NMT1: variants seen among roughly 807,000 people sequenced by gnomAD.
NMT1 encodes the protein N-myristoyltransferase 1.
Under a neutral mutation model 63.4 loss-of-function variants are expected in NMT1, and 12 were observed. The ratio of observed to expected loss-of-function variants is 0.19; its 90% CI spans 0.12 to 0.31. The LOEUF (loss-of-function observed/expected upper bound fraction) is 0.31, where lower values mean the gene tolerates loss of function less well. NMT1 is among the 10% of genes least tolerant of loss of function. The pLI, the probability that NMT1 is intolerant of heterozygous loss-of-function variation, is 1.00. For synonymous variants in NMT1, 228 were observed against 234.3 expected, an observed-to-expected ratio of 0.97 and a Z score of 0.25; for missense variants, 432 against 634.6, an observed-to-expected ratio of 0.68 and a Z score of 3.43.
chr17:45,070,273 G>A (rs558368357), intron 1 of NMT1, among the ~76,000 whole-genome samples: 1 of 151,848 alleles, frequency 6.6e-6, no homozygotes, highest in East Asian at 1.9e-4. Context: ...GTGTGTGTGA[G>A]ATGGAGTCTC....
chr17:45,095,645 C>T (rs886212276), intron 4 of NMT1, among the ~76,000 whole-genome samples: 3 of 151,988 alleles, frequency 2.0e-5, no homozygotes, highest in Non-Finnish European at 4.4e-5. Flanking sequence ...GGTAGTATGC[C>T]CCAGTAGTCT....
chr17:45,076,587 T>C (rs2053979035), intron 1 of NMT1, among the ~76,000 whole-genome samples: 1 of 151,754 alleles, frequency 6.6e-6, no homozygotes, highest in Non-Finnish European at 1.5e-5. Context: ...CTGTCTCTAC[T>C]AAAAATACAA....
chr17:45,068,888 C>T (rs28397098), intron 1 of NMT1, among the ~76,000 whole-genome samples: 34,327 of 152,024 alleles, frequency 0.23, 4,480 homozygotes, highest in African/African-American at 0.34. Context: ...CTCAAGCAGT[C>T]CACCTGCCTT....
rs1404360655 is a variant in NMT1 at position 45,103,906 on chromosome 17, A to T, written c.1332+30A>T. 1 of 1,611,278 alleles carries T rather than the reference A, an allele frequency of 6.2e-7. No individual in the cohort carries two copies. The highest frequency in any genetic ancestry group is 8.5e-7 in the Non-Finnish European group (1 of 1,179,934). ...GGAGCAGACGGGGGGGTCTCTGGAG[A>T]TGTGCAGGGAAGAGGCAGTGGAGCC... On this transcript the variant is annotated intron_variant, in intron 10 of 11. Coordinates refer to ENST00000258960, the MANE Select transcript of NMT1 (RefSeq NM_021079.5). The surrounding 1 kb of genome is among the most constrained non-coding windows in gnomAD (Gnocchi z 4.8).
At chr17:45,095,687 G>C (rs1046300632) in intron 4 of NMT1, among the ~76,000 whole-genome samples, 2 of 152,116 alleles carry the variant, frequency 1.3e-5, no homozygotes, top group Non-Finnish European at 2.9e-5. Flanking sequence ...TAGGAGGATC[G>C]CTTGAAACCA....
intron 1 of NMT1, among the ~76,000 whole-genome samples, chr17:45,080,686 G>A (rs1013631560): frequency 1.2e-4 from 17 of 147,452 alleles, no homozygotes; most frequent in Non-Finnish European, 7.4e-5. Flanking sequence ...AGCCAGGATG[G>A]TCTTGATCTC....
chr17:45,085,016 G>GATGGGCACATCGC, intron 2 of NMT1, among the ~76,000 whole-genome samples: 1 of 152,096 alleles, frequency 6.6e-6, no homozygotes, highest in East Asian at 1.9e-4. Flanking sequence ...GGGAGGCTGA[G>GATGGGCACATCGC]TTGGGCAGAT....
chr17:45,066,957 T>A (rs2053907075), intron 1 of NMT1, among the ~76,000 whole-genome samples: 1 of 152,168 alleles, frequency 6.6e-6, no homozygotes, highest in East Asian at 1.9e-4. Context: ...TGGCCTCAAG[T>A]GATGCTGCCA....
intron 4 of NMT1, among the ~76,000 whole-genome samples, chr17:45,095,099 C>CCACACCGGGCCAACAGAAT: frequency 7.7e-6 from 1 of 130,660 alleles, no homozygotes; most frequent in South Asian, 2.5e-4. Context: ...GCATGAGCCA[C>CCACACCGGGCCAACAGAAT]TGCGCCCAGT....
Position 45,061,448 on chromosome 17 carries a change from G to A in NMT1, c.119G>A (p.Ser40Asn). The part of the protein sequence containing the change: ...CSDCENEEDN[S>N]YNRGGLSPAN... ...GATTGCGAGAATGAGGAGGACAACA[G>A]CTACAACCGGGGGTAACGAAATCCT... The change falls in exon 1 of 12, where the codon AGC becomes AAC. Residue 40 changes from serine to asparagine, a missense_variant. This residue lies in a region of NMT1 where 121 missense variants were observed against 103.7 expected (regional missense o/e 1.17). Coordinates refer to ENST00000258960, the MANE Select transcript of NMT1 (RefSeq NM_021079.5). 1.9e-6 allele frequency: 3 copies of A among 1,613,236 alleles called. No homozygotes were observed. Among genetic ancestry groups the A allele is most frequent in the South Asian group, 1.1e-5 (1 of 90,942 alleles).
At chr17:45,065,656 A>G (rs968069895) in intron 1 of NMT1, among the ~76,000 whole-genome samples, 41 of 151,304 alleles carry the variant, frequency 2.7e-4, no homozygotes, top group Non-Finnish European at 5.2e-4. Context: ...AAATACCTAC[A>G]GAAACCAGGA....
intron 1 of NMT1, among the ~76,000 whole-genome samples, chr17:45,066,745 C>T (rs1398972882): frequency 2.0e-5 from 3 of 152,084 alleles, no homozygotes; most frequent in Admixed American, 6.6e-5. Flanking sequence ...AACAGGGCCT[C>T]GCTCTGTCGT....
chr17:45,095,955 GGTTA>G (rs1391017166), intron 4 of NMT1, among the ~76,000 whole-genome samples: 1 of 152,166 alleles, frequency 6.6e-6, no homozygotes, highest in African/African-American at 2.4e-5. Context: ...TGAAGTGGTT[GGTTA>G]GTTAGGTGGC....
chr17:45,098,493 C>A lies in NMT1; in HGVS notation c.825C>A (p.Gly275=). 6.2e-7 allele frequency: 1 copy of A among 1,614,204 alleles called. No homozygotes were observed. The highest frequency in any genetic ancestry group is 1.3e-5 in the African/African-American group (1 of 75,068). Residue 275 remains glycine (G), a synonymous_variant, in exon 7 of 12, where the codon GGC becomes GGA. Coordinates refer to ENST00000258960, the MANE Select transcript of NMT1 (RefSeq NM_021079.5). ...REITRRVHLE[G]IFQAVYTAGV... is the part of the protein sequence containing the mutation. ...TCACCAGGCGGGTTCACCTGGAGGG[C>A]ATCTTCCAAGCAGTTTACACTGCCG... is the stretch of plus-strand genomic sequence containing the variant.
rs1319821569 is a variant in NMT1, at chr17:45,106,201, G to A, written c.*562G>A. The A allele has an allele frequency of 2.0e-5, 3 of 152,592 alleles. No homozygotes were observed. Among genetic ancestry groups the A allele is most frequent in the African/African-American group, 7.2e-5 (3 of 41,422 alleles). The allele number at this position is 152,592 out of a possible 1,614,324, so 9.5% of individuals were successfully genotyped here. On this transcript the variant is annotated 3_prime_UTR_variant, in exon 12 of 12. Coordinates refer to ENST00000258960, the MANE Select transcript of NMT1 (RefSeq NM_021079.5). ...CCAGCTCCCCTTCTGAATCAGCTGG[G>A]ATGACTGGCTTTGAGAAGGAAGGGA...
chr17:45,101,884 G>T (rs1670582670), intron 8 of NMT1, among the ~76,000 whole-genome samples: 1 of 152,168 alleles, frequency 6.6e-6, no homozygotes, highest in South Asian at 2.1e-4. Context: ...GGGGACTGTG[G>T]TATGTGTCTT....
chr17:45,097,095 A>G (rs1319913640), intron 5 of NMT1, 33 bp from the exon 6 acceptor site: 2 of 1,585,722 alleles, frequency 1.3e-6, no homozygotes, highest in Admixed American at 3.3e-5. Flanking sequence ...CCTGCCGGCA[A>G]GCAGCACAAC....
At chr17:45,084,001 C>T (rs1451849639) in intron 2 of NMT1, among the ~76,000 whole-genome samples, 1 of 152,128 alleles carries the variant, frequency 6.6e-6, no homozygotes, top group Non-Finnish European at 1.5e-5. Context: ...TATATTCTTT[C>T]TTTCCTTTAT....
At chr17:45,097,803 C>T (rs878881214) in intron 6 of NMT1, among the ~76,000 whole-genome samples, 12 of 152,218 alleles carry the variant, frequency 7.9e-5, no homozygotes, top group East Asian at 5.8e-4. Flanking sequence ...CGCCACCACA[C>T]CTGGCTAATC....
Sources: allele counts gnomAD v4.1 joint callset (sites outside exome capture counted in the v4.1 genomes callset), GRCh38; gene constraint gnomAD v4.1.1; regional missense constraint gnomAD v4.1.1; non-coding constraint Gnocchi (gnomAD v3.1); transcripts MANE v1.5; gene names NCBI Gene and HGNC (gene_info 2026-07-23, HGNC 2026-07-21).